Variants in NCKAP1 observed in about 807,000 individuals in gnomAD.
NCKAP1 encodes NCK associated protein 1, also known as nck-associated protein 1.
A neutral mutation model predicts 151.2 loss-of-function variants in NCKAP1; 21 were observed. The observed-to-expected ratio is 0.14, with a 90% CI of 0.10 to 0.20. The LOEUF is 0.20. NCKAP1 is among the 10% of genes least tolerant of loss of function. NCKAP1 has a pLI of 1.00. For synonymous variants in NCKAP1, 484 were observed against 451.8 expected, an observed-to-expected ratio of 1.07 and a Z score of -0.90; for missense variants, 933 against 1,352.1, an observed-to-expected ratio of 0.69 and a Z score of 4.86.
Position 182,920,964 on chromosome 2 carries a change from C to A in NCKAP1, c.*4738G>T, listed in dbSNP as rs78544526. 6.6e-6 allele frequency: 1 copy of A among 152,058 alleles called. No homozygotes were observed. Among genetic ancestry groups the A allele is most frequent in the South Asian group, 2.1e-4 (1 of 4,826 alleles). The allele number at this position is 152,058 out of a possible 1,614,324, so 9.4% of individuals were successfully genotyped here. A position where few individuals can be genotyped will look rare whatever the true frequency, so the allele number is the denominator to read the frequency against. On this transcript the variant is annotated 3_prime_UTR_variant, in exon 31 of 31. Transcript: ENST00000361354. ...GGTTTGTCTCTGAAAACATTCAGGA[C>A]GCATCACTGAGTAGTGCACAGTTTT...
intron 19 of NCKAP1, chr2:182,956,890 T>C: frequency 4.7e-6 from 1 of 213,984 alleles, no homozygotes; most frequent in Non-Finnish European, 9.0e-6. Context: ...CCTGAAGTAC[T>C]TTCTGTTATG....
chr2:183,017,589 C>A (rs1363368579), intron 2 of NCKAP1, among the ~76,000 whole-genome samples: 1 of 152,130 alleles, frequency 6.6e-6, no homozygotes, highest in Non-Finnish European at 1.5e-5. Flanking sequence ...TAGGGTACTA[C>A]CACTCATCTC....
chr2:182,953,083 C>T (rs755074821), intron 21 of NCKAP1, 30 bp downstream of exon 21: 7 of 1,559,878 alleles, frequency 4.5e-6, no homozygotes, highest in Middle Eastern at 3.6e-4. Context: ...AAATTTTCCG[C>T]TACTACAAAT....
chr2:182,978,814 T>C lies in NCKAP1; in HGVS notation c.1423+20A>G. The C allele has an allele frequency of 7.1e-7, 1 of 1,407,194 alleles. No individual in the cohort carries two copies. The highest frequency in any genetic ancestry group is 9.7e-7 in the Non-Finnish European group (1 of 1,028,858). The allele number at this position is 1,407,194 out of a possible 1,614,324, so 87.2% of individuals were successfully genotyped here. On this transcript the variant is annotated intron_variant, in intron 14 of 30. Transcript: ENST00000361354. ...AATCTAATTAGAAGAAAATATGCTT[T>C]TATTTAAAAGGCTTATTACCTTGTT...
At chr2:183,010,067 C>T (rs1325439714) in intron 2 of NCKAP1, among the ~76,000 whole-genome samples, 1 of 152,128 alleles carries the variant, frequency 6.6e-6, no homozygotes, top group Non-Finnish European at 1.5e-5. Context: ...CTGGAATGCA[C>T]AAAGAGTTTT....
chr2:183,002,030 G>C lies in NCKAP1; in HGVS notation c.526C>G (p.Pro176Ala), dbSNP rs746137721. The C allele has an allele frequency of 5.2e-5, 84 of 1,613,376 alleles. No homozygotes were observed. The highest frequency in any genetic ancestry group is 1.6e-4 in the Middle Eastern group (1 of 6,078). The change falls in exon 6 of 31, where the codon CCA becomes GCA. Residue 176 changes from proline to alanine, a missense_variant. Coordinates refer to ENST00000361354, the MANE Select transcript of NCKAP1 (RefSeq NM_013436.5). ...TCCACAATCATCTGGCCAAGGCGTG[G>C]GTATTCTCTGTCACTTAAAACAGAC... is the stretch of plus-strand genomic sequence containing the variant. The part of the protein sequence containing the change: ...MTHGASDREY[P>A]RLGQMIVDYE...
At chr2:182,928,995 GT>G in intron 27 of NCKAP1, 96 bp from the exon 28 acceptor site, 1 of 772,030 alleles carries the variant, frequency 1.3e-6, no homozygotes. Context: ...TTTAAAAATG[GT>G]TTACTTTTTT....
intron 27 of NCKAP1, 60 bp downstream of exon 27, chr2:182,930,635 T>C: frequency 3.1e-6 from 4 of 1,302,874 alleles, no homozygotes; most frequent in Middle Eastern, 1.8e-4. Flanking sequence ...ATCATACCTA[T>C]ACCTATGCTG....
chr2:183,035,697 C>T (rs940028119), intron 1 of NCKAP1, among the ~76,000 whole-genome samples: 1 of 152,054 alleles, frequency 6.6e-6, no homozygotes, highest in Non-Finnish European at 1.5e-5. Context: ...GGAAGATATG[C>T]CAGACTCACA....
intron 18 of NCKAP1, among the ~76,000 whole-genome samples, chr2:182,960,704 A>G (rs1279864998): frequency 5.9e-5 from 9 of 152,252 alleles, no homozygotes; most frequent in Non-Finnish European, 1.3e-4. Context: ...ACCAAAAGCA[A>G]TAGCAACAAA....
rs529763914 is a variant in NCKAP1, at chr2:182,990,199, T to C, written c.791-1013A>G. Reference sequence around the variant, plus strand: ...AGTAGACAAGACAGGTGGTATTCTTTCTTTTTTTTTCTCTTTTTGGTAGAG... The same window carrying C: ...AGTAGACAAGACAGGTGGTATTCTTCCTTTTTTTTTCTCTTTTTGGTAGAG... On this transcript the variant is annotated intron_variant, in intron 8 of 30. Transcript: ENST00000361354. Among the ~76,000 whole-genome samples the C allele has an allele frequency of 2.0e-5, 3 of 151,964 alleles. No individual in the cohort carries two copies. In the South Asian group the frequency reaches 6.2e-4, roughly 32 times the overall value.
intron 2 of NCKAP1, among the ~76,000 whole-genome samples, chr2:183,023,507 T>C (rs891874088): frequency 2.6e-5 from 4 of 152,118 alleles, no homozygotes; most frequent in Non-Finnish European, 5.9e-5. Flanking sequence ...ATCCCAAGTA[T>C]CCACACAAGA....
intron 9 of NCKAP1, among the ~76,000 whole-genome samples, chr2:182,987,881 T>TG (rs559916674): frequency 3.7e-4 from 55 of 149,268 alleles, no homozygotes; most frequent in South Asian, 8.6e-4. Flanking sequence ...GAGAAAGGAG[T>TG]GGGGGGGGAG....
intron 20 of NCKAP1, among the ~76,000 whole-genome samples, chr2:182,954,403 TA>T (rs1697281995): frequency 6.6e-6 from 1 of 152,170 alleles, no homozygotes. Context: ...ATTAGATCTG[TA>T]AAGATCTTAG....
chr2:183,027,890 ATCTT>A (rs1476953910), intron 1 of NCKAP1, among the ~76,000 whole-genome samples: 3 of 152,192 alleles, frequency 2.0e-5, no homozygotes, highest in Admixed American at 1.3e-4. Context: ...GAAATCATAT[ATCTT>A]TCTATTACAT....
chr2:183,032,555 A>T (rs1699024284), intron 1 of NCKAP1, among the ~76,000 whole-genome samples: 1 of 152,150 alleles, frequency 6.6e-6, no homozygotes, highest in African/African-American at 2.4e-5. Flanking sequence ...GTATTTTTGT[A>T]TCTAAATGTA....
intron 2 of NCKAP1, among the ~76,000 whole-genome samples, chr2:183,008,917 A>C (rs1005056943): frequency 6.6e-6 from 1 of 152,236 alleles, no homozygotes; most frequent in Admixed American, 6.5e-5. Flanking sequence ...TTACCTAAAA[A>C]TTCTAATTAA....
At chr2:183,025,853 T>G (rs1698884531) in intron 1 of NCKAP1, among the ~76,000 whole-genome samples, 1 of 152,174 alleles carries the variant, frequency 6.6e-6, no homozygotes, top group Admixed American at 6.5e-5. Flanking sequence ...TAGTGCAAAA[T>G]CCTAAAGTGA....
At chr2:183,005,442 A>C (rs950498276) in intron 2 of NCKAP1, among the ~76,000 whole-genome samples, 1 of 152,176 alleles carries the variant, frequency 6.6e-6, no homozygotes, top group Non-Finnish European at 1.5e-5. Flanking sequence ...AGACCTTAAA[A>C]GAACCTTCTT....
Sources: allele counts gnomAD v4.1 joint callset (sites outside exome capture counted in the v4.1 genomes callset), GRCh38; gene constraint gnomAD v4.1.1; transcripts MANE v1.5; gene names NCBI Gene and HGNC (gene_info 2026-07-23, HGNC 2026-07-21).